Variants in SUSD4 observed in about 807,000 individuals in gnomAD.
SUSD4 encodes the protein sushi domain-containing protein 4.
A neutral mutation model predicts 50.5 loss-of-function variants in SUSD4; 41 were observed. That is an observed-to-expected ratio of 0.81 (90% CI 0.63 to 1.05). The LOEUF (loss-of-function observed/expected upper bound fraction) is 1.05. Ranked by LOEUF, SUSD4 falls within the 50% of genes least tolerant of loss-of-function variation. The pLI is 0.00. For missense variants in SUSD4, 580 were observed against 634.7 expected (o/e 0.91, Z 0.93); for synonymous variants, 257 against 257.3 (o/e 1.00, Z 0.01).
At chr1:223,343,247 A>G (rs1667853921) in intron 2 of SUSD4, among the ~76,000 whole-genome samples, 1 of 152,178 alleles carries the variant, frequency 6.6e-6, no homozygotes, top group South Asian at 2.1e-4. Flanking sequence ...GCTAACTTTT[A>G]CCGGAAGCCT....
chr1:223,284,667 T>A (rs2103126375), intron 3 of SUSD4, among the ~76,000 whole-genome samples: 1 of 152,340 alleles, frequency 6.6e-6, no homozygotes, highest in South Asian at 2.1e-4. Flanking sequence ...CATGGGATAC[T>A]ATTCATCCAT....
chr1:223,274,704 C>T (rs943827546), intron 3 of SUSD4, among the ~76,000 whole-genome samples: 7 of 152,166 alleles, frequency 4.6e-5, no homozygotes, highest in Non-Finnish European at 8.8e-5. Context: ...CTATATTTAA[C>T]GCATTGAGGG....
In SUSD4 at chr1:223,229,266, C is replaced by T. The variant is rs758854269; in HGVS notation, c.847G>A (p.Asp283Asn). 52 of 1,613,058 alleles carry T rather than the reference C, an allele frequency of 3.2e-5. No homozygotes were observed. Among genetic ancestry groups the T allele is most frequent in the Non-Finnish European group, 3.8e-5 (45 of 1,179,240 alleles). The change falls in exon 6 of 9, where the codon GAC (aspartate) becomes AAC (asparagine). Residue 283 changes from aspartate to asparagine, a missense_variant. Physicochemically the swap from Asp to Asn is conservative, Grantham distance 23. Transcript: ENST00000366878. The surrounding 1 kb of genome is among the most constrained non-coding windows in gnomAD (Gnocchi z 4.7). ...YCDPGYSLTS[D>N]YKYITCQYGE... ...TACTGGCAGGTGATGTACTTGTAGT[C>T]GCTGGTGAGGCTGTAGCCAGGATCG...
At chr1:223,228,590 T>G (rs1318999130) in intron 6 of SUSD4, among the ~76,000 whole-genome samples, 2 of 152,198 alleles carry the variant, frequency 1.3e-5, no homozygotes, top group Non-Finnish European at 2.9e-5. Context: ...GGAAGGTGGT[T>G]TGCAATTAAG....
chr1:223,353,077 C>CT (rs1354419599), intron 2 of SUSD4, among the ~76,000 whole-genome samples: 1 of 152,216 alleles, frequency 6.6e-6, no homozygotes, highest in Non-Finnish European at 1.5e-5. Context: ...GGGCCAACAG[C>CT]TATTGAGAAG....
chr1:223,264,479 C>A (rs1379863197), intron 5 of SUSD4, 151 bp downstream of exon 5: 2 of 1,379,972 alleles, frequency 1.4e-6, no homozygotes, highest in African/African-American at 2.9e-5. Flanking sequence ...GGCTTCACGG[C>A]AGCTGATCTC....
intron 2 of SUSD4, among the ~76,000 whole-genome samples, chr1:223,303,610 AG>A (rs1448979164): frequency 6.6e-6 from 1 of 152,354 alleles, no homozygotes; most frequent in East Asian, 1.9e-4. Flanking sequence ...GTGGATCGGC[AG>A]GTCGAGAAAT....
chr1:223,363,791 C>G (rs967965222), intron 1 of SUSD4: 1 of 207,930 alleles, frequency 4.8e-6, no homozygotes, highest in Non-Finnish European at 9.6e-6. Context: ...CCCCGCGTCT[C>G]GGGGCCGCGA....
intron 2 of SUSD4, among the ~76,000 whole-genome samples, chr1:223,345,938 C>T (rs2103313009): frequency 6.6e-6 from 1 of 152,292 alleles, no homozygotes; most frequent in African/African-American, 2.4e-5. Context: ...TCACCTGGAG[C>T]TCCTCCTCCT....
At chr1:223,319,695 A>G (rs1054451195) in intron 2 of SUSD4, among the ~76,000 whole-genome samples, 2 of 152,230 alleles carry the variant, frequency 1.3e-5, no homozygotes, top group African/African-American at 4.8e-5. Flanking sequence ...CAATAGGACC[A>G]GCTTCTTTTC....
At chr1:223,247,359 T>C (rs1419359152) in intron 5 of SUSD4, among the ~76,000 whole-genome samples, 1 of 152,126 alleles carries the variant, frequency 6.6e-6, no homozygotes, top group Non-Finnish European at 1.5e-5. Context: ...GGAAATGATC[T>C]CCTAGGGGAC....
At position 223,231,829 on chromosome 1, in the gene SUSD4, T is replaced by A. The variant is rs1437079113; in HGVS notation, c.725-2441A>T. ...TGCCTGGGGGCCCCCTTCCCTGCAC[T>A]GCTGGAGCATTCCCCAGCGCTGTTG... On this transcript the variant is annotated intron_variant, in intron 5 of 8. Transcript: ENST00000366878. This position sits in a 1 kb window ranked among gnomAD's most constrained non-coding sequence, Gnocchi z 4.2. 1.3e-5 allele frequency among the ~76,000 whole-genome samples: 2 copies of A among 152,206 alleles called. No homozygotes were observed. The highest frequency in any genetic ancestry group is 1.5e-5 in the Non-Finnish European group (1 of 68,040).
Position 223,229,222 on chromosome 1 carries a change from A to G in SUSD4, c.891T>C (p.Ser297=). ...CTGATTTGATGCAGTAGACTTGATA[A>G]GAAGGAAACCACTCTCCATACTGGC... ...ITCQYGEWFP[S]YQVYCIKSEQ... is the part of the protein sequence containing the mutation. The change falls in exon 6 of 9, where the codon TCT becomes TCC. Residue 297 remains serine, a synonymous_variant. Coordinates refer to ENST00000366878, the MANE Select transcript of SUSD4 (RefSeq NM_017982.4). This position sits in a 1 kb window ranked among gnomAD's most constrained non-coding sequence, Gnocchi z 4.7. The G allele has an allele frequency of 6.2e-7, 1 of 1,607,138 alleles. No homozygotes were observed. The highest frequency in any genetic ancestry group is 8.5e-7 in the Non-Finnish European group (1 of 1,174,046).
intron 5 of SUSD4, among the ~76,000 whole-genome samples, chr1:223,255,372 G>T (rs532241392): frequency 6.6e-6 from 1 of 152,158 alleles, no homozygotes; most frequent in Non-Finnish European, 1.5e-5. Context: ...AAAGAGGTTG[G>T]GGGGTGGGAG....
At position 223,240,673 on chromosome 1, in the gene SUSD4, T is replaced by C. The variant is rs76513081; in HGVS notation, c.725-11285A>G. Among the ~76,000 whole-genome samples, 792 of 152,354 alleles carry C rather than the reference T, an allele frequency of 5.2e-3. 10 individuals are homozygous for C. Among genetic ancestry groups the C allele is most frequent in the African/African-American group, 0.018 (728 of 41,584 alleles). On this transcript the variant is annotated intron_variant, in intron 5 of 8. Transcript: ENST00000366878. ...TTCTTAGGATTTCCATCTTTCTGCT[T>C]ACATTGCCCATTTTTTTGTGCATGC...
intron 3 of SUSD4, among the ~76,000 whole-genome samples, chr1:223,290,008 CATCTT>C (rs1490928081): frequency 6.6e-6 from 1 of 152,216 alleles, no homozygotes; most frequent in Non-Finnish European, 1.5e-5. Context: ...CAATAAGACT[CATCTT>C]ATAGAATTGT....
intron 2 of SUSD4, among the ~76,000 whole-genome samples, chr1:223,336,028 G>A (rs976345448): frequency 2.0e-5 from 3 of 151,772 alleles, no homozygotes; most frequent in Non-Finnish European, 4.4e-5. Flanking sequence ...AAAAGAAAAC[G>A]TCATTATAGT....
chr1:223,308,661 T>G (rs1665692995), intron 2 of SUSD4, among the ~76,000 whole-genome samples: 1 of 152,240 alleles, frequency 6.6e-6, no homozygotes, highest in South Asian at 2.1e-4. Flanking sequence ...ATAATTTCCC[T>G]CATTTTATAG....
rs57599818 is a variant in SUSD4 at position 223,304,793 on chromosome 1, CATATATATATATATATATATAT to C, written c.149-12164_149-12143del. ...TTAACCTCTCTGTGTCTCAGGTTTC[CATATATATATATATATATATAT>C]ATATATATATATATATATATATATA... On this transcript the variant is annotated intron_variant, in intron 2 of 8. Transcript: ENST00000366878. Among the ~76,000 whole-genome samples the C allele has an allele frequency of 4.6e-3, 244 of 53,572 alleles. 2 individuals carry two copies. The highest frequency in any genetic ancestry group is 4.8e-3 in the African/African-American group (36 of 7,532). The allele number at this position is 53,572 out of a possible 152,430, so 35.1% of individuals were successfully genotyped here.
Sources: gnomAD v4.1 joint callset for allele counts (sites outside exome capture counted in the v4.1 genomes callset) on GRCh38, gnomAD v4.1.1 for gene constraint, Gnocchi (gnomAD v3.1) non-coding constraint, MANE v1.5 for transcripts, NCBI Gene and HGNC (gene_info 2026-07-23, HGNC 2026-07-21) for gene names.